The following SLFN14 variants were observed in gnomAD, a reference collection of about 807,000 sequenced individuals.
SLFN14 encodes protein SLFN14.
Under a neutral mutation model 58.6 loss-of-function variants are expected in SLFN14, and 47 were observed. That is an observed-to-expected ratio of 0.80 (90% confidence interval 0.64 to 1.02). The LOEUF (loss-of-function observed/expected upper bound fraction) is 1.02. Among genes scored for constraint, SLFN14 ranks in the 50% least tolerant of loss-of-function variants. The pLI is 0.00. For synonymous variants in SLFN14, 390 were observed against 387.3 expected (o/e 1.01, Z -0.08); for missense variants, 967 against 1,078.4 (o/e 0.90, Z 1.45).
intron 5 of SLFN14, among the ~76,000 whole-genome samples, chr17:35,550,648 C>T (rs1158715680): frequency 1.3e-5 from 2 of 152,138 alleles, no homozygotes; most frequent in African/African-American, 4.8e-5. Flanking sequence ...ATGTTTTCTC[C>T]TCTAACACTA....
At position 35,554,715 on chromosome 17, in the gene SLFN14, A is replaced by T; in HGVS notation, c.1061-11T>A. On this transcript the variant is annotated splice_polypyrimidine_tract_variant and intron_variant, in intron 3 of 5. Coordinates refer to ENST00000674182, the MANE Select transcript of SLFN14 (RefSeq NM_001129820.2). ...CCAAACTGGGAGGAGCTAGACAATT[A>T]CATGGAAAGTTGTTTCAGACAAAAA... is the stretch of plus-strand genomic sequence containing the variant. The T allele has an allele frequency of 7.4e-7, 1 of 1,352,724 alleles. No homozygotes were observed. Among genetic ancestry groups the T allele is most frequent in the South Asian group, 2.0e-5 (1 of 50,918 alleles). The allele number at this position is 1,352,724 out of a possible 1,614,324, so 83.8% of individuals were successfully genotyped here. A position where few individuals can be genotyped will look rare whatever the true frequency, so the allele number is the denominator to read the frequency against.
rs768191104 is a variant in SLFN14 at position 35,557,567 on chromosome 17, T to G, written c.496A>C (p.Lys166Gln). Residue 166 changes from lysine (K) to glutamine (Q), a missense_variant, in exon 3 of 6, where the codon AAG becomes CAG. Transcript: ENST00000674182. ...RAQRGRPRVK[K>Q]LHPQQVLNRC... is the part of the protein sequence containing the mutation. ...TTGAGAACCTGCTGAGGATGCAACT[T>G]CTTCACCCTTGGTCTTCCTCTTTGG... 5 of 1,551,664 alleles carry G rather than the reference T, an allele frequency of 3.2e-6. No homozygotes were observed. In the South Asian group the frequency reaches 5.9e-5, roughly 18 times the overall value.
At position 35,554,589 on chromosome 17, in the gene SLFN14, T is replaced by C. The variant is rs1212595614; in HGVS notation, c.1176A>G (p.Arg392=). 5 of 1,529,408 alleles carry C rather than the reference T, an allele frequency of 3.3e-6. No individual in the cohort carries two copies. The highest frequency in any genetic ancestry group is 4.4e-6 in the Non-Finnish European group (5 of 1,138,002). The allele number at this position is 1,529,408 out of a possible 1,614,324, so 94.7% of individuals were successfully genotyped here. A position where few individuals can be genotyped will look rare whatever the true frequency, so the allele number is the denominator to read the frequency against. ...AAGAGGGAATACCTGGAAACAAATGTCGTTGCAGAGCCTCCTTAAATTTGT... is the reference window on the plus strand; with the variant it reads ...AAGAGGGAATACCTGGAAACAAATGCCGTTGCAGAGCCTCCTTAAATTTGT... ...KVHKFKEALQ[R]HLFPVTQEEV... The change falls in exon 4 of 6, where the codon CGA becomes CGG. Residue 392 remains arginine (R), a synonymous_variant. Transcript: ENST00000674182.
At chr17:35,550,227 T>C (rs1056420741) in intron 5 of SLFN14, among the ~76,000 whole-genome samples, 1 of 152,168 alleles carries the variant, frequency 6.6e-6, no homozygotes, top group African/African-American at 2.4e-5. Flanking sequence ...TGGGGAATAT[T>C]TACCAACCAA....
At chr17:35,552,283 G>A (rs1415785282) in intron 5 of SLFN14, among the ~76,000 whole-genome samples, 1 of 152,134 alleles carries the variant, frequency 6.6e-6, no homozygotes, top group East Asian at 1.9e-4. Context: ...GACAGGACTA[G>A]CTGGATTTCC....
At position 35,548,498 on chromosome 17, in the gene SLFN14, C is replaced by T. The variant is rs562073297; in HGVS notation, c.2480G>A (p.Arg827His). 272 of 1,551,730 alleles carry T rather than the reference C, an allele frequency of 1.8e-4. 2 individuals are homozygous for T. In the South Asian group the frequency reaches 2.8e-3, roughly 16 times the overall value. ...ILCRRGEDRG[R>H]YRLALLKAME... The stretch of plus-strand genomic sequence containing the variant: ...TGCTTTGAGTAGTGCAAGCCTATAG[C>T]GTCCTCTGTCCTCCCCTCTCCTGCA... The change falls in exon 6 of 6, where the codon CGC (arginine) becomes CAC (histidine). Residue 827 changes from arginine (R) to histidine (H), a missense_variant. Coordinates refer to ENST00000674182, the MANE Select transcript of SLFN14 (RefSeq NM_001129820.2).
At position 35,550,304 on chromosome 17, in the gene SLFN14, G is replaced by T. The variant is rs377457566; in HGVS notation, c.1905-1231C>A. ...CTCACGCCTGTAATCCCAGCACTTT[G>T]CGAGAAGGAGGTGGGCGGATCACCT... On this transcript the variant is annotated intron_variant, in intron 5 of 5. Coordinates refer to ENST00000674182, the MANE Select transcript of SLFN14 (RefSeq NM_001129820.2). Among the ~76,000 whole-genome samples, 160 of 152,362 alleles carry T rather than the reference G, an allele frequency of 1.1e-3. 1 individual carries two copies. Among genetic ancestry groups the T allele is most frequent in the African/African-American group, 3.8e-3 (158 of 41,576 alleles).
chr17:35,549,822 C>G (rs762348058), intron 5 of SLFN14, among the ~76,000 whole-genome samples: 5 of 152,148 alleles, frequency 3.3e-5, no homozygotes, highest in Non-Finnish European at 7.3e-5. Context: ...TGAATCATAA[C>G]TATGTTCTTC....
chr17:35,557,231 A>C lies in SLFN14; in HGVS notation c.832T>G (p.Leu278Val). The part of the protein sequence containing the change: ...KKEIENCIEK[L>V]PTFHFCCEKP... ...TCACAGCAGAAGTGGAATGTAGGCAATTTTTCTATGCAGTTTTCGATTTCT... is the reference window on the plus strand; with the variant it reads ...TCACAGCAGAAGTGGAATGTAGGCACTTTTTCTATGCAGTTTTCGATTTCT... Residue 278 changes from leucine (L) to valine (V), a missense_variant, in exon 3 of 6, where the codon TTG (leucine) becomes GTG (valine). Leu to Val is a conservative substitution (Grantham distance 32). Transcript: ENST00000674182. The C allele has an allele frequency of 6.4e-7, 1 of 1,551,642 alleles. No individual in the cohort carries two copies. The highest frequency in any genetic ancestry group is 1.4e-5 in the African/African-American group (1 of 73,148).
Position 35,548,099 on chromosome 17 carries a change from C to A in SLFN14, c.*140G>T. 1.2e-6 allele frequency: 1 copy of A among 823,008 alleles called. No homozygotes were observed. Among genetic ancestry groups the A allele is most frequent in the South Asian group, 1.9e-5 (1 of 53,704 alleles). 51.0% of individuals were successfully genotyped at this position (823,008 alleles called of 1,614,324 possible). A position where few individuals can be genotyped will look rare whatever the true frequency, so the allele number is the denominator to read the frequency against. On this transcript the variant is annotated 3_prime_UTR_variant, in exon 6 of 6. Transcript: ENST00000674182. ...TTGAAATAGAGTGGAAGGCTCAGCT[C>A]CAAGAGACATTTCTGTGGCTCCAGG...
rs2072520703 is a variant in SLFN14, at chr17:35,544,517, T to A, written c.*3722A>T. On this transcript the variant is annotated 3_prime_UTR_variant, in exon 6 of 6. Coordinates refer to ENST00000674182, the MANE Select transcript of SLFN14 (RefSeq NM_001129820.2). ...AAAATGTTACACCCAGATAACAAGA[T>A]GATTTAAGAACTTTTTTTTTTTTTT... Among the ~76,000 whole-genome samples the A allele has an allele frequency of 1.3e-5, 2 of 149,342 alleles. No homozygotes were observed. The highest frequency in any genetic ancestry group is 5.0e-5 in the African/African-American group (2 of 39,936).
At chr17:35,550,612 G>GT (rs549036650) in intron 5 of SLFN14, among the ~76,000 whole-genome samples, 4 of 151,810 alleles carry the variant, frequency 2.6e-5, no homozygotes, top group Non-Finnish European at 5.9e-5. Context: ...TACTCACATT[G>GT]TTTTTTTTAT....
Position 35,557,340 on chromosome 17 carries a change from T to TC in SLFN14, c.722dup (p.Tyr242IlefsTer8). 1 of 1,551,718 alleles carries TC rather than the reference T, an allele frequency of 6.4e-7. No homozygotes were observed. Among genetic ancestry groups the TC allele is most frequent in the Non-Finnish European group, 8.7e-7 (1 of 1,146,988 alleles). On this transcript the variant is annotated frameshift_variant, in exon 3 of 6. Transcript: ENST00000674182. LOFTEE classifies it high-confidence loss of function. ...TATCATCCACCCCAATGAGGACATA[T>TC]CCCCCTTGAGTGTTGGCAAATGCAG...
In SLFN14 at chr17:35,557,449, G is replaced by A. The variant is rs1432932913; in HGVS notation, c.614C>T (p.Thr205Ile). 2.6e-6 allele frequency: 4 copies of A among 1,551,554 alleles called. No individual in the cohort carries two copies. Among genetic ancestry groups the A allele is most frequent in the Non-Finnish European group, 8.7e-7 (1 of 1,146,996 alleles). Reference sequence around the variant, plus strand: ...TTTAAATTCAACATGTGTTGACTCAGTAAAGTTGAGTTTCTCCTTATACAT... The same window carrying A: ...TTTAAATTCAACATGTGTTGACTCAATAAAGTTGAGTTTCTCCTTATACAT... ...KLMYKEKLNF[T>I]ESTHVEFKRF... Residue 205 changes from threonine (T) to isoleucine (I), a missense_variant, in exon 3 of 6, where the codon ACT (threonine) becomes ATT (isoleucine). By Grantham distance (89) the Thr-to-Ile change is moderately conservative (BLOSUM62 -1). Coordinates refer to ENST00000674182, the MANE Select transcript of SLFN14 (RefSeq NM_001129820.2).
rs2072612377 is a variant in SLFN14 at position 35,553,096 on chromosome 17, A to T, written c.1538T>A (p.Ile513Lys). 2 of 1,551,690 alleles carry T rather than the reference A, an allele frequency of 1.3e-6. No individual in the cohort carries two copies. Among genetic ancestry groups the T allele is most frequent in the Non-Finnish European group, 1.7e-6 (2 of 1,146,994 alleles). Residue 513 changes from isoleucine (I) to lysine (K), a missense_variant, in exon 5 of 6, where the codon ATA (isoleucine) becomes AAA (lysine). Transcript: ENST00000674182. ...TCTACTCTGTGTGCTGCTCAGGTGT[A>T]TCAGCCTTGGAATGATGCACACTTT... ...TGKVCIIPRL[I>K]HLSSTQSRPG...
Position 35,548,948 on chromosome 17 carries a change from T to C in SLFN14, c.2030A>G (p.Lys677Arg). ...FCSKYGNWYM[K>R]AKNITHPKAK... Reference sequence around the variant, plus strand: ...CTTTGGATGGGTGATGTTCTTAGCCTTCATGTACCAATTGCCATATTTGCT... The same window carrying C: ...CTTTGGATGGGTGATGTTCTTAGCCCTCATGTACCAATTGCCATATTTGCT... Residue 677 changes from lysine to arginine, a missense_variant, in exon 6 of 6, where the codon AAG becomes AGG. Physicochemically the swap from Lys to Arg is conservative, Grantham distance 26 (BLOSUM62 2). Transcript: ENST00000674182. 1.9e-6 allele frequency: 3 copies of C among 1,551,744 alleles called. No homozygotes were observed. The highest frequency in any genetic ancestry group is 2.6e-6 in the Non-Finnish European group (3 of 1,147,004).
At chr17:35,558,178 T>C in intron 2 of SLFN14, 72 bp from the exon 3 acceptor site, 1 of 872,304 alleles carries the variant, frequency 1.1e-6, no homozygotes, top group South Asian at 1.9e-5. Context: ...TCTTCAAAAC[T>C]ATCAATTACT....
intron 5 of SLFN14, among the ~76,000 whole-genome samples, chr17:35,551,786 G>C (rs548428683): frequency 1.2e-5 from 1 of 83,654 alleles, no homozygotes; most frequent in African/African-American, 6.9e-5. Context: ...AATCAATCCG[G>C]AATCGTCACC....
rs1258046897 is a variant in SLFN14, at chr17:35,548,710, G to A, written c.2268C>T (p.Asn756=). 9 of 1,551,662 alleles carry A rather than the reference G, an allele frequency of 5.8e-6. No homozygotes were observed. Among genetic ancestry groups the A allele is most frequent in the Non-Finnish European group, 7.0e-6 (8 of 1,147,016 alleles). ...ACAATGCTAATGTGTCTGGAGACAT[G>A]TTGGAGGGAGGATTTTCTTTGATCC... The part of the protein sequence containing the change: ...MKRIKENPPS[N]MSPDTLALFS... Residue 756 remains asparagine, a synonymous_variant, in exon 6 of 6, where the codon AAC becomes AAT. Transcript: ENST00000674182.
Sources: allele counts gnomAD v4.1 joint callset (sites outside exome capture counted in the v4.1 genomes callset), GRCh38; gene constraint gnomAD v4.1.1; transcripts MANE v1.5; gene names NCBI Gene and HGNC (gene_info 2026-07-23, HGNC 2026-07-21).